RUNDC1: variants seen among roughly 807,000 people sequenced by gnomAD.
The protein encoded by RUNDC1 is RUN domain-containing protein 1.
RUNDC1 carries 31 observed loss-of-function variants against 49.3 expected under a neutral mutation model. The ratio of observed to expected loss-of-function variants is 0.63; its 90% CI spans 0.47 to 0.85. RUNDC1 has a LOEUF of 0.85. Among genes scored for constraint, RUNDC1 ranks in the 40% least tolerant of loss-of-function variants. The pLI is 0.00. For synonymous variants in RUNDC1, 347 were observed against 348.6 expected (o/e 1.00, Z 0.05); for missense variants, 715 against 806.7 (o/e 0.89, Z 1.38).
rs2050281705 is a variant in RUNDC1 at position 42,994,335 on chromosome 17, TTAAATTCTCAC to T, written c.*2622_*2632del. Among the ~76,000 whole-genome samples, 2 of 152,246 alleles carry T rather than the reference TTAAATTCTCAC, an allele frequency of 1.3e-5. No individual in the cohort carries two copies. The highest frequency in any genetic ancestry group is 4.1e-4 in the South Asian group (2 of 4,834). On this transcript the variant is annotated 3_prime_UTR_variant, in exon 5 of 5. Coordinates refer to ENST00000361677, the MANE Select transcript of RUNDC1 (RefSeq NM_173079.5). ...AGCATTTTCATTTGTCTCATTCTAA[TTAAATTCTCAC>T]TACTTACAAAGTGGGACAGTATTAT...
chr17:42,981,178 C>T, intron 1 of RUNDC1, 104 bp downstream of exon 1: 1 of 1,376,496 alleles, frequency 7.3e-7, no homozygotes, highest in Non-Finnish European at 9.6e-7. Context: ...GCCTCCCCGA[C>T]TCGGTCGGTG....
At chr17:42,990,579 T>C (rs1387150794) in intron 4 of RUNDC1, 143 bp downstream of exon 4, 3 of 905,332 alleles carry the variant, frequency 3.3e-6, no homozygotes, top group East Asian at 5.3e-5. Flanking sequence ...TGAAATATTC[T>C]AAAATTGATT....
Position 42,994,440 on chromosome 17 carries a change from T to C in RUNDC1, c.*2724T>C, listed in dbSNP as rs921812073. ...TATTTTGTCCTGGTTTACATGATGA[T>C]GGAAGACCTGAGATTTGGAGTCAAG... is the stretch of plus-strand genomic sequence containing the variant. On this transcript the variant is annotated 3_prime_UTR_variant, in exon 5 of 5. Transcript: ENST00000361677. Among the ~76,000 whole-genome samples, 10 of 152,228 alleles carry C rather than the reference T, an allele frequency of 6.6e-5. No homozygotes were observed. Among genetic ancestry groups the C allele is most frequent in the African/African-American group, 2.2e-4 (9 of 41,470 alleles).
chr17:42,993,680 T>C lies in RUNDC1; in HGVS notation c.*1964T>C, dbSNP rs1020811815. The stretch of plus-strand genomic sequence containing the variant: ...CCCATCTGATCCAGATCAATATTTT[T>C]TTGAAAACTGCCTGTATCCTCTGTC... On this transcript the variant is annotated 3_prime_UTR_variant, in exon 5 of 5. Transcript: ENST00000361677. 3 of 152,162 alleles carry C rather than the reference T, an allele frequency of 2.0e-5. No individual in the cohort carries two copies. Among genetic ancestry groups the C allele is most frequent in the African/African-American group, 7.2e-5 (3 of 41,436 alleles). The allele number at this position is 152,162 out of a possible 1,614,324, so 9.4% of individuals were successfully genotyped here.
At position 42,992,193 on chromosome 17, in the gene RUNDC1, C is replaced by CGACA. The variant is rs1239703769; in HGVS notation, c.*480_*483dup. 6.3e-6 allele frequency: 1 copy of CGACA among 159,214 alleles called. No homozygotes were observed. Among genetic ancestry groups the CGACA allele is most frequent in the Non-Finnish European group, 1.4e-5 (1 of 72,626 alleles). 9.9% of individuals were successfully genotyped at this position (159,214 alleles called of 1,614,324 possible). A position where few individuals can be genotyped will look rare whatever the true frequency, so the allele number is the denominator to read the frequency against. On this transcript the variant is annotated 3_prime_UTR_variant, in exon 5 of 5. Coordinates refer to ENST00000361677, the MANE Select transcript of RUNDC1 (RefSeq NM_173079.5). ...TCGCGCCACTGCACTCCAGCCTGGGCGACAGAGTGAGACTCCGTCTCAAAA... is the reference window on the plus strand; with the variant it reads ...TCGCGCCACTGCACTCCAGCCTGGGCGACAGACAGAGTGAGACTCCGTCTCAAAA...
rs1203519025 is a variant in RUNDC1 at position 42,993,014 on chromosome 17, C to T, written c.*1298C>T. ...TAGAAGTAAATATATTCAAGACAAA[C>T]GAGAAAATCCTGGCTACCCAAGTCG... On this transcript the variant is annotated 3_prime_UTR_variant, in exon 5 of 5. Transcript: ENST00000361677. 1 of 152,156 alleles carries T rather than the reference C, an allele frequency of 6.6e-6. No individual in the cohort carries two copies. Among genetic ancestry groups the T allele is most frequent in the Non-Finnish European group, 1.5e-5 (1 of 68,044 alleles). The allele number at this position is 152,156 out of a possible 1,614,324, so 9.4% of individuals were successfully genotyped here.
intron 1 of RUNDC1, chr17:42,982,128 G>A (rs1597752380): frequency 6.6e-6 from 1 of 151,550 alleles, no homozygotes; most frequent in Non-Finnish European, 1.5e-5. Context: ...TGGGACTACA[G>A]GTGTGTGCCA....
chr17:42,991,351 G>T lies in RUNDC1; in HGVS notation c.1477G>T (p.Ala493Ser). 6.2e-7 allele frequency: 1 copy of T among 1,614,216 alleles called. No homozygotes were observed. The highest frequency in any genetic ancestry group is 8.5e-7 in the Non-Finnish European group (1 of 1,180,048). ...CGGCCGTGCTTATGTGGAATCCCCAGCCCGGAAGCTCTCCCAGTCCTTCGC... is the reference window on the plus strand; with the variant it reads ...CGGCCGTGCTTATGTGGAATCCCCATCCCGGAAGCTCTCCCAGTCCTTCGC... ...KNGRAYVESP[A>S]RKLSQSFALP... Residue 493 changes from alanine (A) to serine (S), a missense_variant, in exon 5 of 5, where the codon GCC (alanine) becomes TCC (serine). Ala to Ser is a moderately conservative substitution (Grantham distance 99, BLOSUM62 1). This residue lies in a region of RUNDC1 where 425 missense variants were observed against 499.7 expected (regional missense o/e 0.85). Transcript: ENST00000361677.
At chr17:42,984,725 T>A (rs2050146975) in intron 1 of RUNDC1, among the ~76,000 whole-genome samples, 1 of 152,094 alleles carries the variant, frequency 6.6e-6, no homozygotes, top group Admixed American at 6.6e-5. Flanking sequence ...AATCAAAATT[T>A]ATGGCTGATT....
rs1205801321 is a variant in RUNDC1, at chr17:42,993,921, G to A, written c.*2205G>A. ...GTTGTCCAGGCTGGAGTGCAATGGC[G>A]TGATCTCAGCTCACTGCAACCTCCG... is the stretch of plus-strand genomic sequence containing the variant. On this transcript the variant is annotated 3_prime_UTR_variant, in exon 5 of 5. Coordinates refer to ENST00000361677, the MANE Select transcript of RUNDC1 (RefSeq NM_173079.5). Among the ~76,000 whole-genome samples, 1 of 152,014 alleles carries A rather than the reference G, an allele frequency of 6.6e-6. No individual in the cohort carries two copies. The highest frequency in any genetic ancestry group is 1.5e-5 in the Non-Finnish European group (1 of 68,014).
chr17:42,989,250 A>G (rs2050206805), intron 2 of RUNDC1, 91 bp from the exon 3 acceptor site: 3 of 941,440 alleles, frequency 3.2e-6, no homozygotes, highest in African/African-American at 3.3e-5. Flanking sequence ...TTTTATTTCC[A>G]TTTAAGGACA....
rs750828455 is a variant in RUNDC1 at position 42,989,530 on chromosome 17, T to G, written c.847T>G (p.Phe283Val). ...CCGAGACCTTGAGATGTTTATCAAC[T>G]TCATCCAAGGTTAGAGGAGGGGATG... ...QIRDLEMFIN[F>V]IQDEVGSPLQ... Residue 283 changes from phenylalanine to valine, a missense_variant, in exon 3 of 5, where the codon TTC becomes GTC. Phe to Val is a conservative substitution (Grantham distance 50). Around this residue, in one of 5 missense-constraint regions of RUNDC1, gnomAD observed 425 missense variants for 499.7 expected, o/e 0.85. Coordinates refer to ENST00000361677, the MANE Select transcript of RUNDC1 (RefSeq NM_173079.5). The G allele has an allele frequency of 3.2e-5, 51 of 1,613,862 alleles. No individual in the cohort carries two copies. Among genetic ancestry groups the G allele is most frequent in the Non-Finnish European group, 4.2e-5 (49 of 1,179,868 alleles).
intron 1 of RUNDC1, among the ~76,000 whole-genome samples, chr17:42,985,366 T>G (rs1214781114): frequency 1.3e-5 from 2 of 152,140 alleles, no homozygotes; most frequent in East Asian, 3.8e-4. Context: ...ACTAGAAGTG[T>G]GAACAACCTC....
chr17:42,981,004 C>T lies in RUNDC1; in HGVS notation c.428C>T (p.Pro143Leu), dbSNP rs751226206. ...GCPHVLGYEG[P>L]GDPASDEGDG... is the part of the protein sequence containing the mutation. ...CCTCACGTCCTAGGTTACGAAGGGCCCGGCGACCCCGCCAGCGATGAGGGC... is the reference window on the plus strand; with the variant it reads ...CCTCACGTCCTAGGTTACGAAGGGCTCGGCGACCCCGCCAGCGATGAGGGC... The change falls in exon 1 of 5, where the codon CCC (proline) becomes CTC (leucine). Residue 143 changes from proline (P) to leucine (L), a missense_variant. This residue lies in a region of RUNDC1 where 113 missense variants were observed against 93.4 expected (regional missense o/e 1.21). Transcript: ENST00000361677. The T allele has an allele frequency of 3.2e-6, 5 of 1,545,598 alleles. No individual in the cohort carries two copies. Among genetic ancestry groups the T allele is most frequent in the South Asian group, 1.2e-5 (1 of 84,794 alleles).
chr17:42,987,025 C>T (rs1053425173), intron 1 of RUNDC1, among the ~76,000 whole-genome samples: 15 of 152,098 alleles, frequency 9.9e-5, no homozygotes, highest in African/African-American at 3.6e-4. Context: ...GTATTAATAT[C>T]CTATTTCCAA....
At chr17:42,985,957 G>GT (rs1340829882) in intron 1 of RUNDC1, among the ~76,000 whole-genome samples, 4 of 151,560 alleles carry the variant, frequency 2.6e-5, no homozygotes, top group Non-Finnish European at 5.9e-5. Context: ...GTGGCTTTTG[G>GT]TTTTTTTTCA....
At chr17:42,987,512 C>A in intron 2 of RUNDC1, 98 bp downstream of exon 2, 1 of 1,179,932 alleles carries the variant, frequency 8.5e-7, no homozygotes, top group Non-Finnish European at 1.2e-6. Flanking sequence ...TCTCCTTTGG[C>A]CTTACTGAGA....
Position 42,980,781 on chromosome 17 carries a change from C to G in RUNDC1, c.205C>G (p.Pro69Ala). Residue 69 changes from proline (P) to alanine (A), a missense_variant, in exon 1 of 5, where the codon CCG becomes GCG. Coordinates refer to ENST00000361677, the MANE Select transcript of RUNDC1 (RefSeq NM_173079.5). Reference sequence around the variant, plus strand: ...GACGGCCGAGGAGCCTGGCGCGGCCCCGGGCTCCCCGCCGGATTCGCCGGG... The same window carrying G: ...GACGGCCGAGGAGCCTGGCGCGGCCGCGGGCTCCCCGCCGGATTCGCCGGG... ...EATAEEPGAA[P>A]GSPPDSPGRT... 1 of 1,430,268 alleles carries G rather than the reference C, an allele frequency of 7.0e-7. No individual in the cohort carries two copies. Among genetic ancestry groups the G allele is most frequent in the Non-Finnish European group, 9.1e-7 (1 of 1,102,074 alleles). The allele number at this position is 1,430,268 out of a possible 1,614,324, so 88.6% of individuals were successfully genotyped here.
intron 2 of RUNDC1, among the ~76,000 whole-genome samples, chr17:42,988,928 G>A (rs1302610370): frequency 6.6e-6 from 1 of 152,118 alleles, no homozygotes; most frequent in Admixed American, 6.6e-5. Context: ...AGTGAGCTAC[G>A]CTCACATTAC....
Sources: gnomAD v4.1 joint callset for allele counts (sites outside exome capture counted in the v4.1 genomes callset) on GRCh38, gnomAD v4.1.1 for gene constraint, gnomAD v4.1.1 regional missense constraint, MANE v1.5 for transcripts, NCBI Gene and HGNC (gene_info 2026-07-23, HGNC 2026-07-21) for gene names.